The following DCC variants were observed in gnomAD, a reference collection of about 807,000 sequenced individuals.
DCC encodes DCC netrin 1 receptor, also known as netrin receptor DCC.
DCC carries 58 observed loss-of-function variants against 172.5 expected under a neutral mutation model. That is an observed-to-expected ratio of 0.34 (90% confidence interval 0.27 to 0.42). The LOEUF (loss-of-function observed/expected upper bound fraction) is 0.42. DCC is among the 10% of genes least tolerant of loss of function. The pLI is 1.00. For missense variants in DCC, 1,740 were observed against 1,791.0 expected (o/e 0.97, Z 0.51); for synonymous variants, 709 against 644.5 (o/e 1.10, Z -1.52).
intron 15 of DCC, among the ~76,000 whole-genome samples, chr18:53,356,438 G>T (rs900507402): frequency 6.6e-6 from 1 of 151,892 alleles, no homozygotes; most frequent in Non-Finnish European, 1.5e-5. Flanking sequence ...CTTGCATTTT[G>T]TTCTAACATG....
At chr18:52,951,481 T>C (rs1276171268) in intron 5 of DCC, among the ~76,000 whole-genome samples, 20 of 152,100 alleles carry the variant, frequency 1.3e-4, no homozygotes, top group Admixed American at 1.3e-3. Flanking sequence ...CTCCTCCCTG[T>C]GTCCCTGTGT....
intron 19 of DCC, among the ~76,000 whole-genome samples, chr18:53,407,528 G>GATAGATATATATATATATATAT (rs1909733032): frequency 8.5e-6 from 1 of 117,438 alleles, no homozygotes; most frequent in East Asian, 3.2e-4. Context: ...TTTTATTCTG[G>GATAGATATATATATATATATAT]ATATATATAT....
chr18:53,406,425 C>T (rs62100026), intron 19 of DCC, among the ~76,000 whole-genome samples: 63,706 of 144,208 alleles, frequency 0.44, 15,209 homozygotes, highest in Non-Finnish European at 0.57. Context: ...GAGAAAGAGG[C>T]CAGGCGTAGT....
At chr18:53,394,974 T>C (rs1908823552) in intron 17 of DCC, among the ~76,000 whole-genome samples, 1 of 134,928 alleles carries the variant, frequency 7.4e-6, no homozygotes, top group East Asian at 2.6e-4. Context: ...AAACTTTGTC[T>C]CCACTAAAAA....
At chr18:52,560,288 C>G (rs1431008954) in intron 1 of DCC, among the ~76,000 whole-genome samples, 2 of 152,192 alleles carry the variant, frequency 1.3e-5, no homozygotes, top group African/African-American at 2.4e-5. Context: ...TTTATGGACA[C>G]TGAAATCTGG....
chr18:53,260,429 C>T (rs1483592205), intron 12 of DCC, among the ~76,000 whole-genome samples: 2 of 152,152 alleles, frequency 1.3e-5, no homozygotes, highest in Non-Finnish European at 2.9e-5. Context: ...ACAGTCAGGA[C>T]CCTCAGCTGC....
intron 22 of DCC, among the ~76,000 whole-genome samples, chr18:53,439,455 G>T (rs1274698353): frequency 6.6e-6 from 1 of 152,068 alleles, no homozygotes; most frequent in Non-Finnish European, 1.5e-5. Flanking sequence ...GAATTATAGA[G>T]GTTTCCTAGC....
intron 1 of DCC, among the ~76,000 whole-genome samples, chr18:52,377,315 T>C (rs1985391083): frequency 6.6e-6 from 1 of 152,198 alleles, no homozygotes; most frequent in African/African-American, 2.4e-5. Flanking sequence ...GCATGGCCAG[T>C]TGGTCTTTTT....
chr18:52,429,605 G>C (rs186813936), intron 1 of DCC, among the ~76,000 whole-genome samples: 122 of 152,148 alleles, frequency 8.0e-4, no homozygotes, highest in African/African-American at 2.8e-3. Flanking sequence ...TAGCAACAAG[G>C]CTTCTCTCAC....
intron 1 of DCC, among the ~76,000 whole-genome samples, chr18:52,375,081 C>A (rs1985289852): frequency 6.6e-6 from 1 of 152,134 alleles, no homozygotes; most frequent in South Asian, 2.1e-4. Context: ...CTTCTTGATC[C>A]CCCTTTGTGG....
intron 5 of DCC, among the ~76,000 whole-genome samples, chr18:53,049,213 T>C (rs1431201870): frequency 2.0e-5 from 3 of 152,112 alleles, no homozygotes; most frequent in African/African-American, 4.8e-5. Context: ...AATTTTTGTT[T>C]CTATTGCAAT....
intron 1 of DCC, among the ~76,000 whole-genome samples, chr18:52,661,227 T>C (rs725931): frequency 0.041 from 6,231 of 152,164 alleles, 159 homozygotes; most frequent in Middle Eastern, 0.14. Flanking sequence ...TGGGTCACTT[T>C]GATGGTAGCA....
chr18:53,427,165 C>A (rs924433202), intron 21 of DCC, among the ~76,000 whole-genome samples: 1 of 152,110 alleles, frequency 6.6e-6, no homozygotes, highest in Non-Finnish European at 1.5e-5. Context: ...GGCAAATGAA[C>A]TAGCTCTTGG....
At chr18:53,246,881 T>C (rs1293321782) in intron 12 of DCC, among the ~76,000 whole-genome samples, 1 of 152,052 alleles carries the variant, frequency 6.6e-6, no homozygotes, top group Non-Finnish European at 1.5e-5. Context: ...TTCATGGAAA[T>C]AAGTCCAAGC....
chr18:52,693,071 A>T (rs1421184153), intron 1 of DCC, among the ~76,000 whole-genome samples: 1 of 151,958 alleles, frequency 6.6e-6, no homozygotes, highest in Non-Finnish European at 1.5e-5. Flanking sequence ...TGATAAGTTA[A>T]TGGCTGGTGT....
chr18:52,490,790 C>T (rs1025022564), intron 1 of DCC, among the ~76,000 whole-genome samples: 1 of 152,006 alleles, frequency 6.6e-6, no homozygotes, highest in Non-Finnish European at 1.5e-5. Flanking sequence ...AGCAAAGACC[C>T]CACCTCTTGT....
intron 1 of DCC, among the ~76,000 whole-genome samples, chr18:52,537,001 A>C (rs1255055159): frequency 1.3e-5 from 2 of 152,188 alleles, no homozygotes; most frequent in Admixed American, 1.3e-4. Context: ...AAAGAAATAG[A>C]AAATGTTAAT....
chr18:53,217,276 C>CACACACACACACACACATATGTATAT, intron 12 of DCC, among the ~76,000 whole-genome samples: 2 of 117,910 alleles, frequency 1.7e-5, no homozygotes, highest in South Asian at 4.7e-4. Flanking sequence ...CACACACACA[C>CACACACACACACACACATATGTATAT]ACACACACAC....
chr18:53,474,146 T>C (rs2145195590), intron 25 of DCC, among the ~76,000 whole-genome samples: 1 of 152,314 alleles, frequency 6.6e-6, no homozygotes, highest in East Asian at 1.9e-4. Flanking sequence ...TACTCTTGGA[T>C]ATGTACCCAA....
Sources: gnomAD v4.1 joint callset for allele counts (sites outside exome capture counted in the v4.1 genomes callset) on GRCh38, gnomAD v4.1.1 for gene constraint, MANE v1.5 for transcripts, NCBI Gene and HGNC (gene_info 2026-07-23, HGNC 2026-07-21) for gene names.